The following THSD7B variants were observed in gnomAD, a reference collection of about 807,000 sequenced individuals.
THSD7B encodes the protein thrombospondin type-1 domain-containing protein 7B.
In THSD7B, 138 loss-of-function variants were observed where a neutral mutation model predicts 213.6. The observed-to-expected ratio is 0.65, with a 90% CI of 0.56 to 0.74. The LOEUF (loss-of-function observed/expected upper bound fraction) is 0.74. Ranked by LOEUF, THSD7B falls within the 30% of genes least tolerant of loss-of-function variation. THSD7B has a pLI of 0.00. For missense variants in THSD7B, 1,931 were observed against 1,991.5 expected, an observed-to-expected ratio of 0.97 and a Z score of 0.58; for synonymous variants, 742 against 687.0, an observed-to-expected ratio of 1.08 and a Z score of -1.25.
At chr2:137,389,889 A>G (rs956071394) in intron 12 of THSD7B, among the ~76,000 whole-genome samples, 1 of 152,046 alleles carries the variant, frequency 6.6e-6, no homozygotes, top group East Asian at 1.9e-4. Context: ...AAGTACATGA[A>G]CTTATTTCTA....
At chr2:137,479,286 T>G (rs1688253257) in intron 15 of THSD7B, among the ~76,000 whole-genome samples, 1 of 152,160 alleles carries the variant, frequency 6.6e-6, no homozygotes, top group South Asian at 2.1e-4. Flanking sequence ...AGGCCTGTTG[T>G]TAAGCCACCA....
intron 13 of THSD7B, among the ~76,000 whole-genome samples, chr2:137,411,249 C>T (rs114654969): frequency 2.3e-3 from 357 of 152,294 alleles, no homozygotes; most frequent in African/African-American, 7.6e-3. Flanking sequence ...GGTTCCCTGG[C>T]GATCGTTAGT....
At chr2:137,086,706 G>A (rs1687848979) in intron 3 of THSD7B, among the ~76,000 whole-genome samples, 4 of 152,190 alleles carry the variant, frequency 2.6e-5, no homozygotes, top group Admixed American at 2.6e-4. Flanking sequence ...TGCAGAACAG[G>A]AAGTATGAAG....
intron 2 of THSD7B, among the ~76,000 whole-genome samples, chr2:136,973,325 C>T (rs59451048): frequency 0.02 from 3,101 of 152,196 alleles, 99 homozygotes; most frequent in African/African-American, 0.07. Context: ...TTGTATTGCT[C>T]ACATTTGGGA....
At chr2:137,066,467 T>A (rs1687384375) in intron 3 of THSD7B, among the ~76,000 whole-genome samples, 1 of 152,132 alleles carries the variant, frequency 6.6e-6, no homozygotes, top group Non-Finnish European at 1.5e-5. Flanking sequence ...GTGCTGAGAT[T>A]ACAGGCGTGA....
intron 7 of THSD7B, among the ~76,000 whole-genome samples, chr2:137,200,501 T>C (rs778928537): frequency 6.6e-6 from 1 of 152,136 alleles, no homozygotes; most frequent in African/African-American, 2.4e-5. Flanking sequence ...AACATACATA[T>C]AGAAATCAGC....
intron 2 of THSD7B, among the ~76,000 whole-genome samples, chr2:136,905,198 C>T (rs1311464498): frequency 6.6e-6 from 1 of 152,304 alleles, no homozygotes; most frequent in East Asian, 1.9e-4. Context: ...CATTCTACTT[C>T]GTTTAGTAGT....
At chr2:137,082,548 A>G (rs1039302179) in intron 3 of THSD7B, among the ~76,000 whole-genome samples, 1 of 152,166 alleles carries the variant, frequency 6.6e-6, no homozygotes, top group South Asian at 2.1e-4. Flanking sequence ...AACTTTAAAC[A>G]TAATTTCGGT....
intron 12 of THSD7B, among the ~76,000 whole-genome samples, chr2:137,401,134 A>G (rs1686346131): frequency 6.6e-6 from 1 of 152,168 alleles, no homozygotes; most frequent in Non-Finnish European, 1.5e-5. Flanking sequence ...CTCTGATTTA[A>G]GGACACTATA....
At chr2:136,821,468 T>G (rs534646908) in intron 1 of THSD7B, among the ~76,000 whole-genome samples, 1 of 152,314 alleles carries the variant, frequency 6.6e-6, no homozygotes, top group Admixed American at 6.5e-5. Flanking sequence ...TCCTTCCCCT[T>G]CCCTCTCTCT....
At chr2:136,786,463 G>A (rs1286403015) in intron 1 of THSD7B, among the ~76,000 whole-genome samples, 4 of 151,980 alleles carry the variant, frequency 2.6e-5, no homozygotes. Flanking sequence ...ATGTTGGCTT[G>A]TTGAAGAGAC....
At chr2:137,426,019 G>A (rs1260318812) in intron 14 of THSD7B, among the ~76,000 whole-genome samples, 2 of 151,972 alleles carry the variant, frequency 1.3e-5, no homozygotes, top group African/African-American at 4.8e-5. Flanking sequence ...AAAATCAGTG[G>A]CGTTTTTATA....
intron 2 of THSD7B, among the ~76,000 whole-genome samples, chr2:136,959,791 T>C (rs897260346): frequency 3.9e-5 from 6 of 152,194 alleles, no homozygotes; most frequent in Non-Finnish European, 7.3e-5. Context: ...TCTCTGCTTA[T>C]TTGGTTAAAA....
At position 137,160,332 on chromosome 2, in the gene THSD7B, A is replaced by G. The variant is rs1192777426; in HGVS notation, c.1489A>G (p.Ile497Val). Reference protein sequence around the residue: ...VSSWSAWGLCIHENCHDPQGK... With the variant: ...VSSWSAWGLCVHENCHDPQGK... ...TTCCTGGTCAGCCTGGGGCCTGTGC[A>G]TCCATGAAAACTGTCATGATCCTCA... is the stretch of plus-strand genomic sequence containing the variant. The change falls in exon 6 of 28, where the codon ATC becomes GTC. Residue 497 changes from isoleucine (I) to valine (V), a missense_variant. Ile to Val is a conservative substitution (Grantham distance 29). Coordinates refer to ENST00000409968, the MANE Select transcript of THSD7B (RefSeq NM_001316349.2). 3.1e-6 allele frequency: 5 copies of G among 1,613,520 alleles called. No homozygotes were observed. The highest frequency in any genetic ancestry group is 4.2e-6 in the Non-Finnish European group (5 of 1,179,638).
At chr2:137,100,125 A>T (rs1336647826) in intron 4 of THSD7B, among the ~76,000 whole-genome samples, 1 of 151,722 alleles carries the variant, frequency 6.6e-6, no homozygotes, top group African/African-American at 2.4e-5. Flanking sequence ...TCTTGAGAAA[A>T]CCCTGGGTAT....
At chr2:137,462,079 A>C (rs1382334870) in intron 15 of THSD7B, among the ~76,000 whole-genome samples, 1 of 152,080 alleles carries the variant, frequency 6.6e-6, no homozygotes, top group African/African-American at 2.4e-5. Flanking sequence ...TAAAAGAAAA[A>C]TTCCAGAAAT....
At chr2:137,626,885 A>G (rs1380433026) in intron 20 of THSD7B, among the ~76,000 whole-genome samples, 1 of 152,230 alleles carries the variant, frequency 6.6e-6, no homozygotes, top group Non-Finnish European at 1.5e-5. Flanking sequence ...TCTTATTTCC[A>G]ACAATTCACT....
intron 24 of THSD7B, among the ~76,000 whole-genome samples, chr2:137,657,957 C>T (rs1193735190): frequency 6.6e-6 from 1 of 152,034 alleles, no homozygotes; most frequent in Non-Finnish European, 1.5e-5. Context: ...ATAATCTGCC[C>T]GCCTCGGCCT....
At chr2:137,019,943 T>A (rs1358917875) in intron 2 of THSD7B, among the ~76,000 whole-genome samples, 2 of 152,328 alleles carry the variant, frequency 1.3e-5, no homozygotes, top group Non-Finnish European at 2.9e-5. Context: ...TCAGTAGCTC[T>A]GATCCTCTGT....
Sources: allele counts gnomAD v4.1 joint callset (sites outside exome capture counted in the v4.1 genomes callset), GRCh38; gene constraint gnomAD v4.1.1; transcripts MANE v1.5; gene names NCBI Gene and HGNC (gene_info 2026-07-23, HGNC 2026-07-21).